The following TOGARAM2 variants were observed in gnomAD, a reference collection of about 807,000 sequenced individuals.
TOGARAM2 encodes the protein TOG array regulator of axonemal microtubules 2.
TOGARAM2 carries 85 observed loss-of-function variants against 93.3 expected under a neutral mutation model. The ratio of observed to expected loss-of-function variants is 0.91; its 90% CI spans 0.76 to 1.09. The LOEUF is 1.09. Among genes scored for constraint, TOGARAM2 ranks in the 50% least tolerant of loss-of-function variants. The pLI, the probability that TOGARAM2 is intolerant of heterozygous loss-of-function variation, is 0.00. For synonymous variants in TOGARAM2, 593 were observed against 552.8 expected (o/e 1.07, Z -1.02); for missense variants, 1,277 against 1,334.5 (o/e 0.96, Z 0.67).
chr2:29,015,825 C>T (rs1414899489), intron 8 of TOGARAM2, among the ~76,000 whole-genome samples: 8 of 152,130 alleles, frequency 5.3e-5, no homozygotes, highest in Admixed American at 5.2e-4. Flanking sequence ...CCCTTCTTGG[C>T]TGCCTCCTCC....
intron 1 of TOGARAM2, among the ~76,000 whole-genome samples, chr2:28,986,793 A>G (rs57795086): frequency 0.031 from 4,778 of 152,340 alleles, 238 homozygotes; most frequent in African/African-American, 0.11. Flanking sequence ...TAAACAACCA[A>G]TACTATTAAT....
chr2:28,973,847 G>T (rs4666156), intron 1 of TOGARAM2, among the ~76,000 whole-genome samples: 1 of 151,986 alleles, frequency 6.6e-6, no homozygotes, highest in Non-Finnish European at 1.5e-5. Flanking sequence ...GCCATTCTTT[G>T]CGGGTAGGTC....
Position 29,033,452 on chromosome 2 carries a change from G to C in TOGARAM2, c.2131-17G>C. ...GGCCACTCCTTTTGGCTCATGCTCT[G>C]TGTGTATTTTTTCAAGGGAATAGAA... is the stretch of plus-strand genomic sequence containing the variant. On this transcript the variant is annotated splice_polypyrimidine_tract_variant and intron_variant, in intron 15 of 19. Coordinates refer to ENST00000379558, the MANE Select transcript of TOGARAM2 (RefSeq NM_199280.4). 1 of 1,607,396 alleles carries C rather than the reference G, an allele frequency of 6.2e-7. No homozygotes were observed. Among genetic ancestry groups the C allele is most frequent in the Non-Finnish European group, 8.5e-7 (1 of 1,176,488 alleles).
At chr2:28,995,495 C>T (rs755249342) in intron 2 of TOGARAM2, among the ~76,000 whole-genome samples, 3 of 152,194 alleles carry the variant, frequency 2.0e-5, no homozygotes, top group Non-Finnish European at 4.4e-5. Context: ...CAGGAGACAG[C>T]GCATGATGCA....
chr2:29,023,773 A>G (rs1464514283), intron 12 of TOGARAM2, among the ~76,000 whole-genome samples: 25 of 151,296 alleles, frequency 1.7e-4, no homozygotes, highest in Non-Finnish European at 1.5e-5. Flanking sequence ...GCATCCAGAA[A>G]AAATACAGTT....
chr2:28,994,678 G>C (rs963732870), intron 1 of TOGARAM2, 47 bp from the exon 2 acceptor site: 1 of 663,616 alleles, frequency 1.5e-6, no homozygotes, highest in Non-Finnish European at 2.6e-6. Context: ...TAGTTTAAAA[G>C]TGTTAATTTG....
chr2:29,026,881 G>T lies in TOGARAM2; in HGVS notation c.1882G>T (p.Ala628Ser). ...YHRNPLIRKY[A>S]AEHLSAVLEQ... ...CCGGAACCCCTTGATCCGGAAATACGCGGCTGAGCACCTCTCAGCTGTGCT... is the reference window on the plus strand; with the variant it reads ...CCGGAACCCCTTGATCCGGAAATACTCGGCTGAGCACCTCTCAGCTGTGCT... The change falls in exon 14 of 20, where the codon GCG (alanine) becomes TCG (serine). Residue 628 changes from alanine (A) to serine (S), a missense_variant. Transcript: ENST00000379558. 6.3e-7 allele frequency: 1 copy of T among 1,592,064 alleles called. No homozygotes were observed. The highest frequency in any genetic ancestry group is 8.6e-7 in the Non-Finnish European group (1 of 1,168,966).
At position 28,981,677 on chromosome 2, in the gene TOGARAM2, C is replaced by A. The variant is rs1338085821; in HGVS notation, c.-111+139C>A. The A allele has an allele frequency of 2.6e-5, 4 of 152,710 alleles. 1 individual carries two copies. Among genetic ancestry groups the A allele is most frequent in the Non-Finnish European group, 4.4e-5 (3 of 68,358 alleles). 9.5% of individuals were successfully genotyped at this position (152,710 alleles called of 1,614,324 possible). A position where few individuals can be genotyped will look rare whatever the true frequency, so the allele number is the denominator to read the frequency against. On this transcript the variant is annotated intron_variant, in intron 1 of 19. Transcript: ENST00000379558. ...AAACACACAGAGAAAGAAAAAGCAT[C>A]CTGCTGTGACTTGGAGGCTGTGTGA...
chr2:29,050,574 T>C (rs1667006304), intron 19 of TOGARAM2: 1 of 152,046 alleles, frequency 6.6e-6, no homozygotes, highest in Admixed American at 6.6e-5. Flanking sequence ...GCTGTGAGCA[T>C]GAAATGGAGC....
intron 6 of TOGARAM2, among the ~76,000 whole-genome samples, chr2:29,005,735 G>C (rs1238060470): frequency 9.9e-6 from 1 of 100,990 alleles, no homozygotes; most frequent in Admixed American, 1.1e-4. Context: ...ATGTGTGTGA[G>C]CACATATATG....
At chr2:29,024,977 A>G (rs1431303572) in intron 13 of TOGARAM2, among the ~76,000 whole-genome samples, 1 of 152,122 alleles carries the variant, frequency 6.6e-6, no homozygotes, top group African/African-American at 2.4e-5. Context: ...CCTGTCATTA[A>G]ACACCCACAC....
chr2:28,975,656 A>G (rs980839829), intron 1 of TOGARAM2, among the ~76,000 whole-genome samples: 18 of 151,938 alleles, frequency 1.2e-4, no homozygotes, highest in Admixed American at 7.2e-4. Context: ...AAGTTATTTT[A>G]CCTGTTCTTG....
chr2:29,047,816 G>A (rs562967915), intron 19 of TOGARAM2: 2 of 152,130 alleles, frequency 1.3e-5, no homozygotes, highest in South Asian at 2.1e-4. Context: ...GTGTAAACAC[G>A]CCTCACTCTG....
chr2:29,041,345 C>T (rs1666424072), intron 18 of TOGARAM2, among the ~76,000 whole-genome samples: 2 of 152,154 alleles, frequency 1.3e-5, no homozygotes, highest in South Asian at 2.1e-4. Flanking sequence ...TTAACAGCTC[C>T]ATCACGTGAC....
Position 28,987,845 on chromosome 2 carries a change from C to T in TOGARAM2, c.-111+6307C>T, listed in dbSNP as rs562416352. On this transcript the variant is annotated intron_variant, in intron 1 of 19. Transcript: ENST00000379558. ...GTTGTGGTGGGGGGCTTCTCATCTGCGAACGGCCTTTCTGCTGGCCCCCAC... is the reference window on the plus strand; with the variant it reads ...GTTGTGGTGGGGGGCTTCTCATCTGTGAACGGCCTTTCTGCTGGCCCCCAC... 2.0e-4 allele frequency among the ~76,000 whole-genome samples: 31 copies of T among 152,360 alleles called. No homozygotes were observed. The South Asian group carries it at 2.3e-3, about 11-fold the overall frequency.
intron 18 of TOGARAM2, among the ~76,000 whole-genome samples, chr2:29,039,126 C>G (rs986907706): frequency 3.9e-5 from 6 of 152,082 alleles, no homozygotes; most frequent in Non-Finnish European, 8.8e-5. Context: ...TGAAGTCTTC[C>G]CAAATCACCC....
chr2:28,994,740 G>C lies in TOGARAM2; in HGVS notation c.-95G>C, dbSNP rs1408388791. 7.5e-7 allele frequency: 1 copy of C among 1,338,020 alleles called. No individual in the cohort carries two copies. Among genetic ancestry groups the C allele is most frequent in the Admixed American group, 2.0e-5 (1 of 50,182 alleles). The allele number at this position is 1,338,020 out of a possible 1,614,324, so 82.9% of individuals were successfully genotyped here. A position where few individuals can be genotyped will look rare whatever the true frequency, so the allele number is the denominator to read the frequency against. ...TCACCCTTAGGTCCCGGATGTTACA[G>C]GTCAGAGCCCTCCAGACCCCCAAGG... On this transcript the variant is annotated 5_prime_UTR_variant, in exon 2 of 20. Transcript: ENST00000379558.
At chr2:28,978,952 C>CT (rs1672074404), upstream of TOGARAM2, among the ~76,000 whole-genome samples, 1 of 152,110 alleles carries the variant, frequency 6.6e-6, no homozygotes, top group Non-Finnish European at 1.5e-5. Flanking sequence ...AATTTGGGGG[C>CT]TTCTTTAAGA....
rs1455211520 is a variant in TOGARAM2, at chr2:29,033,564, GTATGGCTGCTCCTGTATC to G, written c.2225+3_2225+20del. 6.2e-7 allele frequency: 1 copy of G among 1,612,320 alleles called. No homozygotes were observed. Among genetic ancestry groups the G allele is most frequent in the Non-Finnish European group, 8.5e-7 (1 of 1,179,316 alleles). ...AGAACGGGCTGCCCATCAAGGAGGG[GTATGGCTGCTCCTGTATC>G]TCTGGGCTTCACATCTAAGACTTCT... is the stretch of plus-strand genomic sequence containing the variant. On this transcript the variant is annotated splice_donor_variant and splice_donor_5th_base_variant and intron_variant, in intron 16 of 19. Coordinates refer to ENST00000379558, the MANE Select transcript of TOGARAM2 (RefSeq NM_199280.4). LOFTEE classifies it high-confidence loss of function.
Sources: allele counts gnomAD v4.1 joint callset (sites outside exome capture counted in the v4.1 genomes callset), GRCh38; gene constraint gnomAD v4.1.1; transcripts MANE v1.5; gene names NCBI Gene and HGNC (gene_info 2026-07-23, HGNC 2026-07-21).